Variants in SNTG1 observed in about 807,000 individuals in gnomAD.
The protein encoded by SNTG1 is gamma-1-syntrophin.
SNTG1 carries 39 observed loss-of-function variants against 74.7 expected under a neutral mutation model. The observed-to-expected ratio is 0.52, with a 90% CI of 0.40 to 0.68. The LOEUF is 0.68. SNTG1 is among the 30% of genes least tolerant of loss of function. The pLI is 0.00. For synonymous variants in SNTG1, 254 were observed against 217.1 expected (o/e 1.17, Z -1.49); for missense variants, 685 against 609.5 (o/e 1.12, Z -1.30).
chr8:49,984,507 G>C (rs894533620), intron 1 of SNTG1, among the ~76,000 whole-genome samples: 1 of 152,076 alleles, frequency 6.6e-6, no homozygotes, highest in Non-Finnish European at 1.5e-5. Flanking sequence ...GCCCAGCCTA[G>C]ATAGGGTCAA....
intron 13 of SNTG1, among the ~76,000 whole-genome samples, chr8:50,652,191 G>A (rs2095151551): frequency 6.6e-6 from 1 of 152,158 alleles, no homozygotes; most frequent in South Asian, 2.1e-4. Flanking sequence ...CATTTGAATG[G>A]CAAAACGCAT....
At chr8:49,928,212 T>A (rs1233379539) in intron 1 of SNTG1, among the ~76,000 whole-genome samples, 1 of 109,260 alleles carries the variant, frequency 9.2e-6, no homozygotes, top group Non-Finnish European at 1.8e-5. Context: ...TGGGTGAAGA[T>A]GTGTCCATGC....
At chr8:50,420,826 A>T (rs576213027) in intron 4 of SNTG1, among the ~76,000 whole-genome samples, 10 of 151,890 alleles carry the variant, frequency 6.6e-5, no homozygotes, top group African/African-American at 1.2e-4. Context: ...AGAGATCAAG[A>T]CCATCTTGGC....
intron 5 of SNTG1, among the ~76,000 whole-genome samples, chr8:50,445,971 C>G (rs982403079): frequency 6.6e-6 from 1 of 152,126 alleles, no homozygotes; most frequent in Admixed American, 6.5e-5. Context: ...CAAAAATGAA[C>G]AGTTTCCAGG....
At chr8:50,727,668 C>T (rs754704344) in intron 17 of SNTG1, among the ~76,000 whole-genome samples, 2 of 152,152 alleles carry the variant, frequency 1.3e-5, no homozygotes, top group Non-Finnish European at 1.5e-5. Context: ...CAAGCATCAT[C>T]CCCTCCTCCA....
chr8:50,551,367 A>G (rs577677669), intron 11 of SNTG1, among the ~76,000 whole-genome samples: 6 of 152,324 alleles, frequency 3.9e-5, no homozygotes, highest in African/African-American at 7.2e-5. Flanking sequence ...TGTAGGCACT[A>G]TGTAACATCT....
intron 2 of SNTG1, among the ~76,000 whole-genome samples, chr8:50,351,450 C>T (rs2131003524): frequency 6.6e-6 from 1 of 152,294 alleles, no homozygotes; most frequent in South Asian, 2.1e-4. Context: ...CCTTTAGAAA[C>T]ATTGTGTTTA....
chr8:50,440,486 T>C (rs1001372285), intron 5 of SNTG1, among the ~76,000 whole-genome samples: 2 of 152,172 alleles, frequency 1.3e-5, no homozygotes, highest in Non-Finnish European at 1.5e-5. Context: ...ACTGTGTTTA[T>C]TTGTTAGCAC....
chr8:50,527,552 T>A (rs1412034376), intron 9 of SNTG1, among the ~76,000 whole-genome samples: 4 of 152,072 alleles, frequency 2.6e-5, no homozygotes, highest in Admixed American at 6.6e-5. Context: ...TGATCATACA[T>A]GTTTGGATTT....
intron 13 of SNTG1, among the ~76,000 whole-genome samples, chr8:50,624,336 A>G (rs1251071388): frequency 6.7e-6 from 1 of 150,280 alleles, no homozygotes; most frequent in Non-Finnish European, 1.5e-5. Flanking sequence ...AAAAAATTAT[A>G]TTTTTTTTCA....
intron 2 of SNTG1, among the ~76,000 whole-genome samples, chr8:50,387,296 G>T (rs2092590276): frequency 6.6e-6 from 1 of 152,098 alleles, no homozygotes; most frequent in Non-Finnish European, 1.5e-5. Context: ...TGCCCGAAGA[G>T]CTCTTTAACA....
chr8:50,173,152 G>A lies in SNTG1; in HGVS notation c.-28+517G>A, dbSNP rs191200177. The stretch of plus-strand genomic sequence containing the variant: ...CTTTTGTTTGTTCAGAGGAAGGAGT[G>A]AATGAGGTGAAATTAGTACAATGAA... On this transcript the variant is annotated intron_variant, in intron 2 of 18. Transcript: ENST00000642720. Among the ~76,000 whole-genome samples, 11 of 152,246 alleles carry A rather than the reference G, an allele frequency of 7.2e-5. No homozygotes were observed. The East Asian group carries it at 1.9e-3, about 27-fold the overall frequency.
At chr8:50,079,270 A>G (rs1166527354) in intron 1 of SNTG1, among the ~76,000 whole-genome samples, 1 of 152,228 alleles carries the variant, frequency 6.6e-6, no homozygotes, top group East Asian at 1.9e-4. Context: ...GTGAGACAGT[A>G]TCTCATTGCG....
intron 13 of SNTG1, among the ~76,000 whole-genome samples, chr8:50,621,157 C>G (rs2094920868): frequency 6.7e-6 from 1 of 150,150 alleles, no homozygotes; most frequent in Non-Finnish European, 1.5e-5. Context: ...GTTTTTTACT[C>G]TATTTTTCTC....
At chr8:50,278,352 G>A (rs1358512540) in intron 2 of SNTG1, among the ~76,000 whole-genome samples, 1 of 152,104 alleles carries the variant, frequency 6.6e-6, no homozygotes, top group Non-Finnish European at 1.5e-5. Context: ...TGCAGAGATT[G>A]TTTTCAACTG....
intron 17 of SNTG1, among the ~76,000 whole-genome samples, chr8:50,740,230 A>C (rs2095539702): frequency 1.3e-5 from 2 of 152,078 alleles, no homozygotes; most frequent in African/African-American, 4.8e-5. Flanking sequence ...CATCTGACAA[A>C]GGTCTAATAT....
chr8:50,133,581 C>G (rs907107166), intron 1 of SNTG1, among the ~76,000 whole-genome samples: 1 of 152,064 alleles, frequency 6.6e-6, no homozygotes, highest in Non-Finnish European at 1.5e-5. Context: ...ATAGCCATGC[C>G]CCCTCTGACA....
chr8:50,661,126 T>G (rs1263921481), intron 15 of SNTG1, among the ~76,000 whole-genome samples: 2 of 152,172 alleles, frequency 1.3e-5, no homozygotes, highest in Non-Finnish European at 2.9e-5. Flanking sequence ...TCAGCACTTG[T>G]TATGTGGCTG....
In SNTG1 at chr8:50,793,119, G is replaced by T. The variant is rs1268935310; in HGVS notation, c.*290G>T. On this transcript the variant is annotated 3_prime_UTR_variant, in exon 19 of 19. Transcript: ENST00000642720. ...ACAAAAGAATAAATTATTTGAAGAAGTATGTAAATAACATAAAAATAGTAA... is the reference window on the plus strand; with the variant it reads ...ACAAAAGAATAAATTATTTGAAGAATTATGTAAATAACATAAAAATAGTAA... 1 of 240,026 alleles carries T rather than the reference G, an allele frequency of 4.2e-6. No homozygotes were observed. The highest frequency in any genetic ancestry group is 2.2e-5 in the African/African-American group (1 of 44,560). The allele number at this position is 240,026 out of a possible 1,614,324, so 14.9% of individuals were successfully genotyped here. A position where few individuals can be genotyped will look rare whatever the true frequency, so the allele number is the denominator to read the frequency against.
Sources: gnomAD v4.1 joint callset for allele counts (sites outside exome capture counted in the v4.1 genomes callset) on GRCh38, gnomAD v4.1.1 for gene constraint, MANE v1.5 for transcripts, NCBI Gene and HGNC (gene_info 2026-07-23, HGNC 2026-07-21) for gene names.